Variants in JAZF1 observed in about 807,000 individuals in gnomAD.
JAZF1 encodes JAZF zinc finger 1, also known as juxtaposed with another zinc finger protein 1.
A neutral mutation model predicts 26.4 loss-of-function variants in JAZF1; 8 were observed. That is an observed-to-expected ratio of 0.30 (90% CI 0.18 to 0.55). JAZF1 has a LOEUF of 0.55. JAZF1 is among the 20% of genes least tolerant of loss of function. JAZF1 has a pLI of 0.94. For missense variants in JAZF1, 199 were observed against 322.0 expected (o/e 0.62, Z 2.92); for synonymous variants, 126 against 122.3 (o/e 1.03, Z -0.20).
At chr7:28,025,795 A>T (rs1783084568) in intron 1 of JAZF1, among the ~76,000 whole-genome samples, 2 of 152,152 alleles carry the variant, frequency 1.3e-5, no homozygotes, top group South Asian at 4.1e-4. Flanking sequence ...AGGTTTCTGA[A>T]ACCCTAAATT....
At chr7:27,912,020 A>C (rs993920064) in intron 2 of JAZF1, among the ~76,000 whole-genome samples, 1 of 152,248 alleles carries the variant, frequency 6.6e-6, no homozygotes, top group African/African-American at 2.4e-5. Context: ...GTCCTCTCAA[A>C]GGCATAGCAT....
At chr7:27,849,764 C>CAT (rs1210769813) in intron 3 of JAZF1, among the ~76,000 whole-genome samples, 3 of 144,358 alleles carry the variant, frequency 2.1e-5, no homozygotes, top group African/African-American at 8.8e-5. Flanking sequence ...CACACACACA[C>CAT]ACACACACAC....
At chr7:28,101,022 C>G (rs1347114554) in intron 1 of JAZF1, among the ~76,000 whole-genome samples, 1 of 152,076 alleles carries the variant, frequency 6.6e-6, no homozygotes, top group East Asian at 1.9e-4. Flanking sequence ...ATCTAAGCAC[C>G]TAAAAAGATA....
At chr7:28,108,363 G>A (rs1200213393) in intron 1 of JAZF1, among the ~76,000 whole-genome samples, 3 of 152,148 alleles carry the variant, frequency 2.0e-5, no homozygotes, top group Non-Finnish European at 4.4e-5. Context: ...GAGGAGCCTC[G>A]TCATGGTGCT....
intron 1 of JAZF1, among the ~76,000 whole-genome samples, chr7:28,055,680 C>T (rs547714994): frequency 6.6e-6 from 1 of 152,292 alleles, no homozygotes; most frequent in African/African-American, 2.4e-5. Flanking sequence ...GTTGTATTCA[C>T]CAATGTATCT....
intron 3 of JAZF1, among the ~76,000 whole-genome samples, chr7:27,886,971 G>A (rs751573236): frequency 1.7e-4 from 26 of 152,186 alleles, no homozygotes; most frequent in Non-Finnish European, 2.9e-5. Context: ...GGAGCTGGAG[G>A]CCATCATCCT....
At chr7:28,140,422 A>T (rs1782945283) in intron 1 of JAZF1, among the ~76,000 whole-genome samples, 1 of 152,186 alleles carries the variant, frequency 6.6e-6, no homozygotes, top group East Asian at 1.9e-4. Flanking sequence ...ACAGGCAGAG[A>T]ATAAAATGAC....
At chr7:28,019,267 C>T (rs1362048873) in intron 1 of JAZF1, among the ~76,000 whole-genome samples, 1 of 152,180 alleles carries the variant, frequency 6.6e-6, no homozygotes. Flanking sequence ...TACCTCCTGC[C>T]TTGCTTCCAC....
chr7:27,840,566 C>G lies in JAZF1; in HGVS notation c.555+132G>C. 1.1e-6 allele frequency: 1 copy of G among 950,872 alleles called. No homozygotes were observed. The highest frequency in any genetic ancestry group is 2.7e-4 in the Middle Eastern group (1 of 3,678). The allele number at this position is 950,872 out of a possible 1,614,324, so 58.9% of individuals were successfully genotyped here. Reference sequence around the variant, plus strand: ...TGCACACAGGGGTGAGGCCCACGCACTCTAATGCAGGAGAGGGGAGTGTCT... The same window carrying G: ...TGCACACAGGGGTGAGGCCCACGCAGTCTAATGCAGGAGAGGGGAGTGTCT... On this transcript the variant is annotated intron_variant, in intron 4 of 4. Coordinates refer to ENST00000283928, the MANE Select transcript of JAZF1 (RefSeq NM_175061.4). This position sits in a 1 kb window ranked among gnomAD's most constrained non-coding sequence, Gnocchi z 5.1.
chr7:27,904,400 C>T (rs194), intron 2 of JAZF1, among the ~76,000 whole-genome samples: 56,069 of 152,040 alleles, frequency 0.37, 10,551 homozygotes, highest in East Asian at 0.49. Context: ...GTTAGTAAAA[C>T]GACCTAGAAA....
chr7:28,157,609 G>A (rs778571618), intron 1 of JAZF1, among the ~76,000 whole-genome samples: 9 of 152,204 alleles, frequency 5.9e-5, no homozygotes, highest in African/African-American at 1.9e-4. Flanking sequence ...ACCCCTGCCC[G>A]ATGGGAAGAT....
At chr7:27,871,259 C>T (rs774484873) in intron 3 of JAZF1, among the ~76,000 whole-genome samples, 2 of 152,164 alleles carry the variant, frequency 1.3e-5, no homozygotes, top group African/African-American at 4.8e-5. Context: ...TACAGGTCAA[C>T]CTTGGGAAAG....
intron 1 of JAZF1, among the ~76,000 whole-genome samples, chr7:28,007,873 A>G (rs968049438): frequency 2.0e-5 from 3 of 152,208 alleles, no homozygotes; most frequent in Admixed American, 1.3e-4. Flanking sequence ...TCCCATTACT[A>G]GCATTCCCCA....
chr7:28,003,352 G>C (rs1470242522), intron 1 of JAZF1, among the ~76,000 whole-genome samples: 1 of 152,188 alleles, frequency 6.6e-6, no homozygotes, highest in Non-Finnish European at 1.5e-5. Flanking sequence ...AAGACTGGGA[G>C]AAAGAGGAGG....
At chr7:27,879,967 C>A (rs1248775792) in intron 3 of JAZF1, among the ~76,000 whole-genome samples, 1 of 152,148 alleles carries the variant, frequency 6.6e-6, no homozygotes, top group Non-Finnish European at 1.5e-5. Flanking sequence ...CCAAAATATA[C>A]TATTATATAA....
chr7:27,954,334 CT>C (rs1466554371), intron 2 of JAZF1, among the ~76,000 whole-genome samples: 1 of 152,158 alleles, frequency 6.6e-6, no homozygotes, highest in Non-Finnish European at 1.5e-5. Flanking sequence ...AAGATGGCCC[CT>C]GGAAGCTCAG....
At chr7:28,145,870 C>G (rs1783020421) in intron 1 of JAZF1, among the ~76,000 whole-genome samples, 1 of 152,150 alleles carries the variant, frequency 6.6e-6, no homozygotes, top group African/African-American at 2.4e-5. Flanking sequence ...AAAGTAAAAT[C>G]AAACTGTACG....
At chr7:28,166,522 T>C (rs1033589930) in intron 1 of JAZF1, among the ~76,000 whole-genome samples, 3 of 152,242 alleles carry the variant, frequency 2.0e-5, no homozygotes, top group Middle Eastern at 3.2e-3. Context: ...CCACAAACCT[T>C]TACAAACCAC....
At chr7:28,094,683 G>A (rs925624517) in intron 1 of JAZF1, among the ~76,000 whole-genome samples, 10 of 152,180 alleles carry the variant, frequency 6.6e-5, no homozygotes, top group Middle Eastern at 3.2e-3. Context: ...AAGCAGACCC[G>A]AAGCTTCTCC....
Sources: gnomAD v4.1 joint callset for allele counts (sites outside exome capture counted in the v4.1 genomes callset) on GRCh38, gnomAD v4.1.1 for gene constraint, Gnocchi (gnomAD v3.1) non-coding constraint, MANE v1.5 for transcripts, NCBI Gene and HGNC (gene_info 2026-07-23, HGNC 2026-07-21) for gene names.